The following SEM1 variants were observed in gnomAD, a reference collection of about 807,000 sequenced individuals.
SEM1 encodes the protein SEM1 26S proteasome subunit.
A neutral mutation model predicts 12.7 loss-of-function variants in SEM1; 3 were observed. That is an observed-to-expected ratio of 0.24 (90% confidence interval 0.11 to 0.61). SEM1 has a LOEUF of 0.61. SEM1 is among the 20% of genes least tolerant of loss of function. The probability of loss-of-function intolerance (pLI) is 0.88; values close to 1 mark genes in which losing one functional copy is unlikely to be tolerated. For synonymous variants in SEM1, 30 were observed against 27.8 expected (o/e 1.08, Z -0.25); for missense variants, 59 against 81.3 (o/e 0.73, Z 1.06).
chr7:96,697,185 A>AC (rs1563117812), intron 1 of SEM1: 1 of 151,912 alleles, frequency 6.6e-6, no homozygotes, highest in Admixed American at 6.6e-5. Flanking sequence ...AAAAAAAAAA[A>AC]ACCCTACATT....
chr7:96,568,762 A>G (rs1805929593), intron 2 of SEM1, among the ~76,000 whole-genome samples: 1 of 151,830 alleles, frequency 6.6e-6, no homozygotes, highest in African/African-American at 2.4e-5. Context: ...ATTTATCACT[A>G]ATTTTATTTT....
downstream of SEM1, among the ~76,000 whole-genome samples, chr7:96,668,711 T>C (rs1789232996): frequency 6.6e-6 from 1 of 151,696 alleles, no homozygotes; most frequent in African/African-American, 2.4e-5. Flanking sequence ...TCCAATTTCC[T>C]GATTGTAACT....
intron 2 of SEM1, among the ~76,000 whole-genome samples, chr7:96,679,151 C>T (rs768781103): frequency 1.8e-4 from 27 of 151,890 alleles, no homozygotes; most frequent in Non-Finnish European, 3.5e-4. Context: ...TTTTTAATCA[C>T]CAAAGAAGTA....
At chr7:96,674,141 T>G (rs1323238065) in intron 2 of SEM1, among the ~76,000 whole-genome samples, 2 of 152,194 alleles carry the variant, frequency 1.3e-5, no homozygotes, top group African/African-American at 4.8e-5. Flanking sequence ...TAAAATTATT[T>G]TCCTCATTAT....
chr7:96,585,615 C>T (rs111328903), intron 2 of SEM1, among the ~76,000 whole-genome samples: 53,572 of 152,118 alleles, frequency 0.35, 9,666 homozygotes, highest in Admixed American at 0.46. Flanking sequence ...TAGCAATCAG[C>T]GAGACTACAT....
intron 2 of SEM1, among the ~76,000 whole-genome samples, chr7:96,531,468 G>C (rs1389585198): frequency 2.0e-5 from 3 of 151,218 alleles, no homozygotes; most frequent in Admixed American, 1.3e-4. Flanking sequence ...GTCAGGCAGG[G>C]TGGTGTGCAT....
intron 2 of SEM1, among the ~76,000 whole-genome samples, chr7:96,652,726 T>C (rs1227226865): frequency 1.3e-5 from 2 of 152,226 alleles, no homozygotes; most frequent in Admixed American, 6.5e-5. Flanking sequence ...TTTCCCAATT[T>C]GTACTCAAAT....
intron 2 of SEM1, among the ~76,000 whole-genome samples, chr7:96,659,913 C>CA (rs71529826): frequency 0.082 from 5,426 of 66,442 alleles, 181 homozygotes; most frequent in Non-Finnish European, 0.1. Flanking sequence ...AGTAAGATGG[C>CA]AAAAAAAAAA....
downstream of SEM1, among the ~76,000 whole-genome samples, chr7:96,619,498 G>T (rs1285125052): frequency 6.6e-6 from 1 of 152,098 alleles, no homozygotes; most frequent in African/African-American, 2.4e-5. Flanking sequence ...CGGGGTGAGT[G>T]TGCCTGTTTT....
At chr7:96,491,139 T>C (rs1007997014) in intron 1 of SEM1, among the ~76,000 whole-genome samples, 1 of 152,214 alleles carries the variant, frequency 6.6e-6, no homozygotes, top group African/African-American at 2.4e-5. Flanking sequence ...TGGTTACTTA[T>C]TTAGATTGTT....
intron 2 of SEM1, chr7:96,484,983 T>G: frequency 2.1e-6 from 1 of 472,918 alleles, no homozygotes; most frequent in Non-Finnish European, 3.7e-6. Context: ...CAAAAAGCAT[T>G]TATTAAGTGC....
intron 2 of SEM1, among the ~76,000 whole-genome samples, chr7:96,561,814 C>T (rs1051708103): frequency 4.3e-4 from 65 of 152,204 alleles, no homozygotes; most frequent in African/African-American, 1.5e-3. Flanking sequence ...AAGGAGAAAG[C>T]TCTGTGGTGG....
intron 2 of SEM1, among the ~76,000 whole-genome samples, chr7:96,557,720 C>T (rs1205652649): frequency 1.4e-5 from 2 of 144,242 alleles, no homozygotes; most frequent in African/African-American, 5.0e-5. Flanking sequence ...GGGCTCCACC[C>T]AGTTGGAGCT....
At chr7:96,507,593 G>C (rs570686676) in intron 2 of SEM1, among the ~76,000 whole-genome samples, 1 of 152,210 alleles carries the variant, frequency 6.6e-6, no homozygotes, top group South Asian at 2.1e-4. Context: ...CTCTTTCTAA[G>C]GGGGAAGAAT....
At chr7:96,612,143 C>A (rs1407168938) in intron 2 of SEM1, among the ~76,000 whole-genome samples, 1 of 152,164 alleles carries the variant, frequency 6.6e-6, no homozygotes, top group Non-Finnish European at 1.5e-5. Context: ...AAAGCAGCTC[C>A]AAATACATTC....
At chr7:96,660,236 C>T (rs1487688050) in intron 2 of SEM1, among the ~76,000 whole-genome samples, 1 of 152,004 alleles carries the variant, frequency 6.6e-6, no homozygotes, top group Non-Finnish European at 1.5e-5. Context: ...GATTTCAACT[C>T]CCCAGGAAGA....
chr7:96,541,794 T>C (rs897395734), intron 2 of SEM1, among the ~76,000 whole-genome samples: 2 of 151,486 alleles, frequency 1.3e-5, no homozygotes, highest in African/African-American at 4.8e-5. Context: ...AGGTGCTGTT[T>C]CATTCTTAAG....
intron 2 of SEM1, among the ~76,000 whole-genome samples, chr7:96,606,907 T>C (rs1274106798): frequency 1.3e-5 from 2 of 152,278 alleles, no homozygotes; most frequent in Admixed American, 1.3e-4. Flanking sequence ...TTATTCTTAT[T>C]GCCTTGCTAT....
chr7:96,516,346 G>A (rs983013210), intron 2 of SEM1, among the ~76,000 whole-genome samples: 1 of 152,126 alleles, frequency 6.6e-6, no homozygotes, highest in Non-Finnish European at 1.5e-5. Context: ...TCTGATAAAA[G>A]AGTGTTATCC....
Sources: allele counts gnomAD v4.1 joint callset (sites outside exome capture counted in the v4.1 genomes callset), GRCh38; gene constraint gnomAD v4.1.1; transcripts MANE v1.5; gene names NCBI Gene and HGNC (gene_info 2026-07-23, HGNC 2026-07-21).